Variants in LPIN2 observed in about 807,000 individuals in gnomAD.
LPIN2 encodes the protein lipin 2, also known as phosphatidate phosphatase LPIN2.
Under a neutral mutation model 111.4 loss-of-function variants are expected in LPIN2, and 55 were observed. That is an observed-to-expected ratio of 0.49 (90% CI 0.40 to 0.62). The LOEUF is 0.62. Among genes scored for constraint, LPIN2 ranks in the 20% least tolerant of loss-of-function variants. The pLI, the probability that LPIN2 is intolerant of heterozygous loss-of-function variation, is 0.00. For missense variants in LPIN2, 992 were observed against 1,112.1 expected, an observed-to-expected ratio of 0.89 and a Z score of 1.54; for synonymous variants, 425 against 414.0, an observed-to-expected ratio of 1.03 and a Z score of -0.32.
intron 1 of LPIN2, among the ~76,000 whole-genome samples, chr18:2,964,397 T>C (rs1026859412): frequency 6.6e-6 from 1 of 150,942 alleles, no homozygotes; most frequent in African/African-American, 2.4e-5. Context: ...TGACGCCCAA[T>C]GTGATGGTAT....
intron 14 of LPIN2, among the ~76,000 whole-genome samples, 185 bp from the exon 15 acceptor site, chr18:2,924,731 G>A (rs1223689565): frequency 6.6e-6 from 1 of 152,164 alleles, no homozygotes; most frequent in Non-Finnish European, 1.5e-5. Context: ...TGCCTGAACA[G>A]TATTTTGGGG....
intron 1 of LPIN2, among the ~76,000 whole-genome samples, chr18:2,963,077 T>G (rs1460685888): frequency 6.6e-6 from 1 of 152,204 alleles, no homozygotes; most frequent in Non-Finnish European, 1.5e-5. Flanking sequence ...ATACAGGTTG[T>G]CAAATAACTG....
At chr18:3,006,612 G>A (rs1336494837) in intron 1 of LPIN2, among the ~76,000 whole-genome samples, 1 of 152,172 alleles carries the variant, frequency 6.6e-6, no homozygotes, top group Non-Finnish European at 1.5e-5. Context: ...CCGAGGCAGG[G>A]AGGTCACAAG....
chr18:2,945,857 TG>T, intron 4 of LPIN2: 1 of 1,475,040 alleles, frequency 6.8e-7, no homozygotes, highest in Non-Finnish European at 9.5e-7. Flanking sequence ...CATGTCTACA[TG>T]GAACAACTTT....
chr18:2,963,178 A>C (rs1401606201), intron 1 of LPIN2, among the ~76,000 whole-genome samples: 2 of 152,212 alleles, frequency 1.3e-5, no homozygotes, highest in Non-Finnish European at 2.9e-5. Flanking sequence ...TTAACATGCT[A>C]CACCCTGGGT....
intron 1 of LPIN2, among the ~76,000 whole-genome samples, chr18:3,003,125 C>T (rs2078458965): frequency 1.3e-5 from 2 of 152,164 alleles, no homozygotes; most frequent in Admixed American, 6.6e-5. Flanking sequence ...GTAAATGATA[C>T]ATCAAAAGTA....
intron 3 of LPIN2, among the ~76,000 whole-genome samples, chr18:2,952,588 GA>G (rs1459148299): frequency 6.6e-6 from 1 of 152,140 alleles, no homozygotes; most frequent in African/African-American, 2.4e-5. Flanking sequence ...TTAGCTAGGA[GA>G]AATCTGTGTT....
In LPIN2 at chr18:2,917,583, T is replaced by C. The variant is rs760097342; in HGVS notation, c.*2710A>G. On this transcript the variant is annotated 3_prime_UTR_variant, in exon 20 of 20. Transcript: ENST00000677752. ...TTTGAGCAGCTTTCATTTTAGGACA[T>C]CCCATTTTTAAGTTTTTTCTTTTTC... is the stretch of plus-strand genomic sequence containing the variant. 3 of 152,196 alleles carry C rather than the reference T, an allele frequency of 2.0e-5. No individual in the cohort carries two copies. The highest frequency in any genetic ancestry group is 2.9e-5 in the Non-Finnish European group (2 of 68,044). The allele number at this position is 152,196 out of a possible 1,614,324, so 9.4% of individuals were successfully genotyped here.
At chr18:2,969,106 T>G (rs1014817350) in intron 1 of LPIN2, among the ~76,000 whole-genome samples, 1 of 152,216 alleles carries the variant, frequency 6.6e-6, no homozygotes, top group Admixed American at 6.5e-5. Context: ...TTCAAAAGTT[T>G]GTGTACATGA....
chr18:2,939,507 C>T lies in LPIN2; in HGVS notation c.795G>A (p.Thr265=), dbSNP rs373300544. 9.3e-6 allele frequency: 15 copies of T among 1,613,798 alleles called. No homozygotes were observed. The highest frequency in any genetic ancestry group is 6.7e-5 in the Admixed American group (4 of 59,998). Residue 265 remains threonine (T), a synonymous_variant, in exon 6 of 20, where the codon ACG becomes ACA. Coordinates refer to ENST00000677752, the MANE Select transcript of LPIN2 (RefSeq NM_001375808.2). ...TGGTGGACTCTGGGAATCCGCCCCA[C>T]GTCCACTCCATGTGAGACTCTGATC... ...LLRSESHMEW[T]WGGFPESTKV...
intron 1 of LPIN2, among the ~76,000 whole-genome samples, chr18:2,966,345 G>A (rs766938930): frequency 3.9e-5 from 6 of 152,092 alleles, no homozygotes; most frequent in Admixed American, 2.0e-4. Context: ...TACTACCAAC[G>A]AACACACAAC....
chr18:2,920,783 C>T lies in LPIN2; in HGVS notation c.2541G>A (p.Lys847=), dbSNP rs756040334. 2 of 1,613,388 alleles carry T rather than the reference C, an allele frequency of 1.2e-6. No homozygotes were observed. Among genetic ancestry groups the T allele is most frequent in the South Asian group, 1.1e-5 (1 of 91,074 alleles). ...AGAGCTGAGAATGTACTTACGATGA[C>T]TTGTTTCCTTTGGTTCTTTCTTGTA... The part of the protein sequence containing the change: ...ELIQERTKGN[K]SSYHRLSELV... Residue 847 remains lysine (K), a synonymous_variant, in exon 19 of 20, where the codon AAG becomes AAA. Transcript: ENST00000677752.
At chr18:2,999,609 G>GT (rs1555608328) in intron 1 of LPIN2, among the ~76,000 whole-genome samples, 1 of 143,340 alleles carries the variant, frequency 7.0e-6, no homozygotes, top group Non-Finnish European at 1.5e-5. Context: ...GTCTCAAAAA[G>GT]AAAAAAAAAA....
At chr18:2,998,274 G>A (rs1189864674) in intron 1 of LPIN2, among the ~76,000 whole-genome samples, 1 of 152,228 alleles carries the variant, frequency 6.6e-6, no homozygotes, top group Non-Finnish European at 1.5e-5. Flanking sequence ...CAAAACAAAT[G>A]CCAAGTAAGG....
Position 2,936,656 on chromosome 18 carries a change from T to C in LPIN2, c.1168+1036A>G, listed in dbSNP as rs185530732. Among the ~76,000 whole-genome samples the C allele has an allele frequency of 3.9e-4, 59 of 152,314 alleles. 1 individual carries two copies. The highest frequency in any genetic ancestry group is 1.0e-3 in the African/African-American group (43 of 41,582). On this transcript the variant is annotated intron_variant, in intron 7 of 19. Coordinates refer to ENST00000677752, the MANE Select transcript of LPIN2 (RefSeq NM_001375808.2). ...AATGGAGTGGCTTCATCTTGGCTCA[T>C]TGCAACCTCTGCCCCAGGGCTCAAG... is the stretch of plus-strand genomic sequence containing the variant.
At chr18:2,947,751 GA>G (rs1229720029) in intron 4 of LPIN2, among the ~76,000 whole-genome samples, 1 of 152,186 alleles carries the variant, frequency 6.6e-6, no homozygotes, top group Non-Finnish European at 1.5e-5. Flanking sequence ...TATGCTATAG[GA>G]AAGCTGCAAA....
At chr18:2,945,213 A>T (rs1302692476) in intron 4 of LPIN2, among the ~76,000 whole-genome samples, 1 of 152,190 alleles carries the variant, frequency 6.6e-6, no homozygotes, top group Non-Finnish European at 1.5e-5. Flanking sequence ...ACAAAGACAT[A>T]AAAAAAGTTC....
chr18:2,946,907 A>G, intron 4 of LPIN2: 1 of 291,478 alleles, frequency 3.4e-6, no homozygotes. Flanking sequence ...AGACATATGG[A>G]GCCCTGCAAT....
chr18:2,965,354 A>G (rs147629262), intron 1 of LPIN2, among the ~76,000 whole-genome samples: 3 of 152,230 alleles, frequency 2.0e-5, no homozygotes, highest in Non-Finnish European at 4.4e-5. Flanking sequence ...TTATTCACCA[A>G]AAGTTTGAAG....
Sources: gnomAD v4.1 joint callset for allele counts (sites outside exome capture counted in the v4.1 genomes callset) on GRCh38, gnomAD v4.1.1 for gene constraint, MANE v1.5 for transcripts, NCBI Gene and HGNC (gene_info 2026-07-23, HGNC 2026-07-21) for gene names.